POU6F2: variants seen among roughly 807,000 people sequenced by gnomAD.
The protein encoded by POU6F2 is POU domain, class 6, transcription factor 2.
Under a neutral mutation model 71.3 loss-of-function variants are expected in POU6F2, and 31 were observed. The ratio of observed to expected loss-of-function variants is 0.43; its 90% CI spans 0.33 to 0.59. The LOEUF (loss-of-function observed/expected upper bound fraction) is 0.59, where lower values mean the gene tolerates loss of function less well. Among genes scored for constraint, POU6F2 ranks in the 20% least tolerant of loss-of-function variants. POU6F2 has a pLI of 0.04. For synonymous variants in POU6F2, 347 were observed against 355.7 expected (o/e 0.98, Z 0.27); for missense variants, 783 against 856.8 (o/e 0.91, Z 1.07).
At chr7:39,213,281 C>T (rs557264119) in intron 4 of POU6F2, among the ~76,000 whole-genome samples, 1 of 152,162 alleles carries the variant, frequency 6.6e-6, no homozygotes, top group Non-Finnish European at 1.5e-5. Context: ...AGGAAACCTG[C>T]CCCGGTTTTC....
chr7:39,451,517 A>G lies in POU6F2; in HGVS notation c.1321-16A>G. 5 of 1,587,056 alleles carry G rather than the reference A, an allele frequency of 3.2e-6. No individual in the cohort carries two copies. Among genetic ancestry groups the G allele is most frequent in the Non-Finnish European group, 4.3e-6 (5 of 1,163,604 alleles). Reference sequence around the variant, plus strand: ...TTTCATTCATTTGTGTATTTTTTTTACATCCCCTCATGTAGCTCCACCAAC... The same window carrying G: ...TTTCATTCATTTGTGTATTTTTTTTGCATCCCCTCATGTAGCTCCACCAAC... On this transcript the variant is annotated splice_polypyrimidine_tract_variant and intron_variant, in intron 7 of 9. Coordinates refer to ENST00000518318, the MANE Select transcript of POU6F2 (RefSeq NM_001370959.1).
At chr7:39,406,845 G>A (rs1787444604) in intron 6 of POU6F2, 105 bp downstream of exon 6, 1 of 1,435,860 alleles carries the variant, frequency 7.0e-7, no homozygotes, top group South Asian at 1.2e-5. Context: ...ATCTATTCGA[G>A]GCAAATAAAT....
chr7:39,236,508 C>T (rs11764181), intron 4 of POU6F2, among the ~76,000 whole-genome samples: 90,281 of 151,886 alleles, frequency 0.59, 27,091 homozygotes, highest in East Asian at 0.84. Flanking sequence ...ATGATGCTGC[C>T]GCTTTTCATT....
At chr7:39,206,147 G>A (rs1794007596) in intron 3 of POU6F2, among the ~76,000 whole-genome samples, 1 of 152,196 alleles carries the variant, frequency 6.6e-6, no homozygotes, top group Non-Finnish European at 1.5e-5. Flanking sequence ...TCACATAAGA[G>A]TTTTGCATTG....
At chr7:39,333,005 T>C (rs544400007) in intron 4 of POU6F2, among the ~76,000 whole-genome samples, 1 of 152,292 alleles carries the variant, frequency 6.6e-6, no homozygotes, top group South Asian at 2.1e-4. Flanking sequence ...GATGGGGTTA[T>C]TCTGCAGGTG....
At chr7:39,213,926 C>T (rs987099546) in intron 4 of POU6F2, among the ~76,000 whole-genome samples, 1 of 152,186 alleles carries the variant, frequency 6.6e-6, no homozygotes, top group Non-Finnish European at 1.5e-5. Flanking sequence ...TTGGCCACAT[C>T]TGATGAGGAA....
At chr7:39,035,133 T>A (rs1419674719) in intron 1 of POU6F2, among the ~76,000 whole-genome samples, 1 of 151,876 alleles carries the variant, frequency 6.6e-6, no homozygotes, top group Non-Finnish European at 1.5e-5. Flanking sequence ...AAGTTTTTTT[T>A]AAAGTTTGCT....
intron 6 of POU6F2, among the ~76,000 whole-genome samples, chr7:39,420,237 G>A (rs577912061): frequency 1.1e-4 from 17 of 152,300 alleles, no homozygotes; most frequent in African/African-American, 4.1e-4. Context: ...GTATTACTGG[G>A]TTATAAAAGA....
At chr7:39,278,022 C>G (rs560465123) in intron 4 of POU6F2, among the ~76,000 whole-genome samples, 26 of 144,172 alleles carry the variant, frequency 1.8e-4, no homozygotes, top group East Asian at 1.5e-3. Context: ...TGCAGTGAGC[C>G]GAGATCGGGC....
chr7:39,397,324 TTA>T (rs59584919), intron 5 of POU6F2, among the ~76,000 whole-genome samples: 139,956 of 145,652 alleles, frequency 0.96, 67,277 homozygotes, highest in Middle Eastern at 0.99. Context: ...AGTATATATA[TTA>T]TATATATATA....
chr7:39,150,462 A>ATT (rs1263641232), intron 2 of POU6F2, among the ~76,000 whole-genome samples: 1,903 of 99,222 alleles, frequency 0.019, 71 homozygotes, highest in Non-Finnish European at 0.025. Flanking sequence ...ACCAAGCTAC[A>ATT]TTTTTTTTTT....
chr7:39,280,904 A>G (rs1297066724), intron 4 of POU6F2, among the ~76,000 whole-genome samples: 1 of 152,246 alleles, frequency 6.6e-6, no homozygotes, highest in Non-Finnish European at 1.5e-5. Flanking sequence ...GTTGGCAGAC[A>G]CTAGCGAATT....
chr7:39,278,411 G>A (rs1466183031), intron 4 of POU6F2, among the ~76,000 whole-genome samples: 3 of 152,100 alleles, frequency 2.0e-5, no homozygotes, highest in South Asian at 2.1e-4. Flanking sequence ...TCTCCGCATC[G>A]ATCAGACAGA....
intron 2 of POU6F2, among the ~76,000 whole-genome samples, chr7:39,152,504 T>G (rs1454948328): frequency 6.6e-6 from 1 of 152,066 alleles, no homozygotes; most frequent in East Asian, 1.9e-4. Flanking sequence ...CAGACCCCCA[T>G]AAAAGGTGGC....
chr7:39,373,882 T>G (rs566144010), intron 5 of POU6F2, among the ~76,000 whole-genome samples: 4 of 152,010 alleles, frequency 2.6e-5, no homozygotes, highest in Admixed American at 1.3e-4. Context: ...CAAAAAGAAG[T>G]TTTTTTTCAA....
chr7:39,272,815 A>G lies in POU6F2; in HGVS notation c.598+65195A>G, dbSNP rs144613349. ...CTCTTTTCCCAAATTATTTTCTTCTATAACAAGAAGGAGAGGACTTAGCAC... is the reference window on the plus strand; with the variant it reads ...CTCTTTTCCCAAATTATTTTCTTCTGTAACAAGAAGGAGAGGACTTAGCAC... On this transcript the variant is annotated intron_variant, in intron 4 of 9. Coordinates refer to ENST00000518318, the MANE Select transcript of POU6F2 (RefSeq NM_001370959.1). Among the ~76,000 whole-genome samples, 573 of 152,324 alleles carry G rather than the reference A, an allele frequency of 3.8e-3. 2 individuals carry two copies. The highest frequency in any genetic ancestry group is 0.013 in the African/African-American group (547 of 41,568).
In POU6F2 at chr7:39,228,540, G is replaced by A. The variant is rs182697963; in HGVS notation, c.598+20920G>A. Among the ~76,000 whole-genome samples, 595 of 152,268 alleles carry A rather than the reference G, an allele frequency of 3.9e-3. 2 individuals carry two copies. The highest frequency in any genetic ancestry group is 0.014 in the African/African-American group (575 of 41,560). On this transcript the variant is annotated intron_variant, in intron 4 of 9. Coordinates refer to ENST00000518318, the MANE Select transcript of POU6F2 (RefSeq NM_001370959.1). ...GGTTCATAACATTTCTAGGGAAAAG[G>A]TCACGGATCTGTCACCAGCAGTGTT...
At chr7:39,344,504 G>A (rs1244115458) in intron 5 of POU6F2, among the ~76,000 whole-genome samples, 2 of 152,164 alleles carry the variant, frequency 1.3e-5, no homozygotes, top group Non-Finnish European at 2.9e-5. Flanking sequence ...AATGGGAGAA[G>A]GTGGTACATT....
intron 2 of POU6F2, among the ~76,000 whole-genome samples, chr7:39,173,293 G>A (rs1009901831): frequency 8.5e-5 from 13 of 152,170 alleles, no homozygotes; most frequent in Admixed American, 2.0e-4. Flanking sequence ...TAGCTTAAGC[G>A]GTAGATAAGG....
Sources: gnomAD v4.1 joint callset for allele counts (sites outside exome capture counted in the v4.1 genomes callset) on GRCh38, gnomAD v4.1.1 for gene constraint, MANE v1.5 for transcripts, NCBI Gene and HGNC (gene_info 2026-07-23, HGNC 2026-07-21) for gene names.